The following BMPR1B variants were observed in gnomAD, a reference collection of about 807,000 sequenced individuals.
The protein encoded by BMPR1B is bone morphogenetic protein receptor type 1B.
A neutral mutation model predicts 59.1 loss-of-function variants in BMPR1B; 12 were observed. That is an observed-to-expected ratio of 0.20 (90% CI 0.13 to 0.33). BMPR1B has a LOEUF of 0.33. Ranked by LOEUF, BMPR1B falls within the 10% of genes least tolerant of loss-of-function variation. The pLI, the probability that BMPR1B is intolerant of heterozygous loss-of-function variation, is 1.00. For synonymous variants in BMPR1B, 237 were observed against 207.3 expected, an observed-to-expected ratio of 1.14 and a Z score of -1.23; for missense variants, 550 against 610.9, an observed-to-expected ratio of 0.90 and a Z score of 1.05.
chr4:94,810,246 A>G (rs1941075502), intron 1 of BMPR1B, among the ~76,000 whole-genome samples: 2 of 152,144 alleles, frequency 1.3e-5, no homozygotes, highest in Admixed American at 6.5e-5. Context: ...ACGTGCTACA[A>G]TTGGTTTAAC....
rs535735779 is a variant in BMPR1B, at chr4:94,916,574, G to A, written c.-113+40674G>A. On this transcript the variant is annotated intron_variant, in intron 2 of 12. Coordinates refer to ENST00000515059, the MANE Select transcript of BMPR1B (RefSeq NM_001203.3). The stretch of plus-strand genomic sequence containing the variant: ...CAGCAAAGTGTTCACCATGTGGCCT[G>A]GCTGCTTCTAACAACCTACACTCAG... 3.3e-5 allele frequency among the ~76,000 whole-genome samples: 5 copies of A among 152,300 alleles called. No individual in the cohort carries two copies. The South Asian group carries it at 1.0e-3, about 32-fold the overall frequency.
intron 1 of BMPR1B, among the ~76,000 whole-genome samples, chr4:94,842,939 G>C (rs1017013123): frequency 1.6e-4 from 24 of 152,084 alleles, no homozygotes; most frequent in Admixed American, 2.0e-4. Context: ...ATGTATGCAT[G>C]TTTTGTTGAA....
chr4:95,067,413 A>C (rs1727905475), intron 3 of BMPR1B, among the ~76,000 whole-genome samples: 1 of 152,218 alleles, frequency 6.6e-6, no homozygotes, highest in African/African-American at 2.4e-5. Context: ...CATTTGTTCC[A>C]AGTGAAAAGG....
intron 3 of BMPR1B, among the ~76,000 whole-genome samples, chr4:95,088,796 A>G (rs1729775146): frequency 6.6e-6 from 1 of 152,128 alleles, no homozygotes. Flanking sequence ...GAAAGAAGAA[A>G]AAAAAAAGCT....
chr4:95,059,244 C>CT (rs1672475050), intron 3 of BMPR1B, among the ~76,000 whole-genome samples: 1 of 152,158 alleles, frequency 6.6e-6, no homozygotes, highest in African/African-American at 2.4e-5. Context: ...GTAGATGCCA[C>CT]TTAAGTTGCC....
At chr4:95,128,682 T>C (rs1733079279) in intron 8 of BMPR1B, among the ~76,000 whole-genome samples, 1 of 152,204 alleles carries the variant, frequency 6.6e-6, no homozygotes, top group African/African-American at 2.4e-5. Flanking sequence ...CTCTCTAATA[T>C]GCTGGTTTGT....
intron 2 of BMPR1B, among the ~76,000 whole-genome samples, chr4:94,901,565 A>G (rs983492314): frequency 6.6e-6 from 1 of 152,004 alleles, no homozygotes; most frequent in African/African-American, 2.4e-5. Flanking sequence ...ATTCTTGACC[A>G]TGTATTCACT....
intron 1 of BMPR1B, among the ~76,000 whole-genome samples, chr4:94,761,306 C>G (rs993531256): frequency 1.4e-4 from 21 of 152,044 alleles, no homozygotes; most frequent in Non-Finnish European, 2.4e-4. Context: ...TAAATTATTT[C>G]TATGTGGTAG....
At chr4:95,031,521 C>T (rs770552847) in intron 3 of BMPR1B, among the ~76,000 whole-genome samples, 1 of 151,968 alleles carries the variant, frequency 6.6e-6, no homozygotes, top group Non-Finnish European at 1.5e-5. Context: ...TTCACAGATG[C>T]AATCATAGTG....
At chr4:94,810,759 G>T (rs1578670293) in intron 1 of BMPR1B, among the ~76,000 whole-genome samples, 1 of 152,166 alleles carries the variant, frequency 6.6e-6, no homozygotes, top group East Asian at 1.9e-4. Flanking sequence ...ATCCTGCTGT[G>T]GTGCATTGTG....
intron 2 of BMPR1B, among the ~76,000 whole-genome samples, chr4:94,909,722 C>A (rs868210307): frequency 1.3e-5 from 2 of 151,942 alleles, no homozygotes; most frequent in Admixed American, 6.6e-5. Context: ...TGAGAAGTTA[C>A]AAGAGTTATA....
chr4:95,122,855 T>C (rs1184921386), intron 6 of BMPR1B, among the ~76,000 whole-genome samples: 1 of 152,146 alleles, frequency 6.6e-6, no homozygotes, highest in Non-Finnish European at 1.5e-5. Context: ...AGTCATAAAT[T>C]ACAATACTAC....
intron 3 of BMPR1B, among the ~76,000 whole-genome samples, chr4:95,009,149 G>C (rs1723053213): frequency 6.6e-6 from 1 of 152,210 alleles, no homozygotes; most frequent in African/African-American, 2.4e-5. Context: ...TCTTGGTGTG[G>C]ATGTGAAGCA....
intron 2 of BMPR1B, among the ~76,000 whole-genome samples, chr4:94,940,478 A>G (rs7684393): frequency 2.0e-5 from 3 of 152,164 alleles, no homozygotes; most frequent in Non-Finnish European, 4.4e-5. Context: ...TAAAATTTCT[A>G]TAGCCTTGCT....
chr4:94,940,344 T>C (rs1204668093), intron 2 of BMPR1B, among the ~76,000 whole-genome samples: 1 of 152,106 alleles, frequency 6.6e-6, no homozygotes, highest in Non-Finnish European at 1.5e-5. Flanking sequence ...TCACCACAGC[T>C]GTTGTAAGTG....
At chr4:95,075,421 T>C (rs73838019) in intron 3 of BMPR1B, among the ~76,000 whole-genome samples, 6,515 of 152,254 alleles carry the variant, frequency 0.043, 473 homozygotes, top group African/African-American at 0.15. Flanking sequence ...TTTTCACATG[T>C]TGTATGTAGA....
In BMPR1B at chr4:94,949,606, G is replaced by A. The variant is rs1452294439; in HGVS notation, c.-112-46434G>A. ...GCTGGGATTACAGGCGTGAGCCACC[G>A]CGCCCGGCCTGAACTCATTCTTTTT... On this transcript the variant is annotated intron_variant, in intron 2 of 12. Transcript: ENST00000515059. 2.9e-5 allele frequency among the ~76,000 whole-genome samples: 4 copies of A among 137,282 alleles called. 1 individual carries two copies. The highest frequency in any genetic ancestry group is 3.1e-5 in the Non-Finnish European group (2 of 63,934). 90.1% of individuals were successfully genotyped at this position (137,282 alleles called of 152,430 possible).
At chr4:94,985,525 G>GTGTGTGTT (rs1211241348) in intron 2 of BMPR1B, among the ~76,000 whole-genome samples, 82 of 133,802 alleles carry the variant, frequency 6.1e-4, no homozygotes, top group South Asian at 1.9e-3. Context: ...GTGTGTGTGT[G>GTGTGTGTT]TGTGTGTGTG....
At chr4:94,892,818 C>A (rs993197799) in intron 2 of BMPR1B, among the ~76,000 whole-genome samples, 4 of 152,000 alleles carry the variant, frequency 2.6e-5, no homozygotes, top group Non-Finnish European at 5.9e-5. Context: ...AGGTAAGCTT[C>A]CAACTCAAGT....
Sources: allele counts gnomAD v4.1 joint callset (sites outside exome capture counted in the v4.1 genomes callset), GRCh38; gene constraint gnomAD v4.1.1; transcripts MANE v1.5; gene names NCBI Gene and HGNC (gene_info 2026-07-23, HGNC 2026-07-21).